DMD: variants seen among roughly 807,000 people sequenced by gnomAD.
DMD encodes mutant dystrophin.
A neutral mutation model predicts 330.1 loss-of-function variants in DMD; 63 were observed. The ratio of observed to expected loss-of-function variants is 0.19; its 90% CI spans 0.16 to 0.24. DMD has a LOEUF of 0.24. DMD is among the 10% of genes least tolerant of loss of function. DMD has a pLI of 1.00. For synonymous variants in DMD, 1,223 were observed against 959.8 expected (o/e 1.27, Z -5.07); for missense variants, 3,344 against 2,684.1 (o/e 1.25, Z -5.43).
At chrX:31,446,620 A>G (rs916427492) in intron 59 of DMD, among the ~76,000 whole-genome samples, 7 of 112,132 alleles carry the variant, frequency 6.2e-5, no homozygotes, top group African/African-American at 2.3e-4. Context: ...TACATGGATT[A>G]AAAGTATCAG....
chrX:32,045,082 GT>G (rs200618969), intron 44 of DMD, among the ~76,000 whole-genome samples: 2,551 of 109,366 alleles, frequency 0.023, 79 homozygotes, highest in African/African-American at 0.08. Flanking sequence ...ATGAGATCTG[GT>G]TTTTTTTTAA....
intron 1 of DMD, among the ~76,000 whole-genome samples, chrX:33,246,859 T>A (rs2052671685): frequency 9.1e-6 from 1 of 109,893 alleles, no homozygotes; most frequent in Non-Finnish European, 1.9e-5. Flanking sequence ...CTAATTTTTG[T>A]AGTTTTAGTA....
Position 32,250,820 on chromosome X carries a change from G to T in DMD, c.6291-33757C>A, listed in dbSNP as rs115116409. Among the ~76,000 whole-genome samples the T allele has an allele frequency of 6.2e-3, 689 of 111,744 alleles. 6 individuals carry two copies. Among genetic ancestry groups the T allele is most frequent in the African/African-American group, 0.021 (645 of 30,778 alleles). ...GATGGTTTTTGTGCTCCTTTTCAGG[G>T]TTATTCCTTACCCAGTCACTAAATG... is the stretch of plus-strand genomic sequence containing the variant. On this transcript the variant is annotated intron_variant, in intron 43 of 78. Transcript: ENST00000357033.
intron 55 of DMD, among the ~76,000 whole-genome samples, chrX:31,535,510 C>T (rs1044387188): frequency 1.1e-5 from 1 of 89,876 alleles, no homozygotes; most frequent in South Asian, 6.2e-4. Flanking sequence ...AAGATTTAAA[C>T]GTTAGACCTA....
At chrX:31,319,120 G>A (rs1233514023) in intron 62 of DMD, among the ~76,000 whole-genome samples, 1 of 111,975 alleles carries the variant, frequency 8.9e-6, no homozygotes, top group Non-Finnish European at 1.9e-5. Flanking sequence ...GTGGAAACTA[G>A]AGACAATGCT....
intron 1 of DMD, among the ~76,000 whole-genome samples, chrX:33,066,826 T>TC (rs905823329): frequency 8.0e-5 from 9 of 112,151 alleles, no homozygotes; most frequent in African/African-American, 2.9e-4. Flanking sequence ...CTTTGTTTTT[T>TC]CTCAATGGGA....
At chrX:33,234,959 G>A (rs2052450486) in intron 1 of DMD, among the ~76,000 whole-genome samples, 1 of 111,779 alleles carries the variant, frequency 8.9e-6, no homozygotes, top group Non-Finnish European at 1.9e-5. Flanking sequence ...GTGTGCTGCT[G>A]CCCCTCAGCA....
At chrX:31,127,871 CCTT>C (rs747516582) in intron 77 of DMD, among the ~76,000 whole-genome samples, 14 of 111,911 alleles carry the variant, frequency 1.3e-4, no homozygotes, top group African/African-American at 4.5e-4. Context: ...CTCCCTTTCT[CCTT>C]CTCTCCCTTC....
At chrX:32,898,410 T>G (rs1471205954) in intron 2 of DMD, among the ~76,000 whole-genome samples, 1 of 112,195 alleles carries the variant, frequency 8.9e-6, no homozygotes, top group Non-Finnish European at 1.9e-5. Flanking sequence ...TGGCTTTGCC[T>G]AGGAAAGAAT....
At chrX:32,907,828 TAATTTG>T (rs2086853108) in intron 2 of DMD, among the ~76,000 whole-genome samples, 1 of 112,339 alleles carries the variant, frequency 8.9e-6, no homozygotes, top group African/African-American at 3.2e-5. Flanking sequence ...CTATATAGCT[TAATTTG>T]AATTTGAATT....
At chrX:31,990,211 AT>A (rs2095540846) in intron 44 of DMD, among the ~76,000 whole-genome samples, 1 of 112,177 alleles carries the variant, frequency 8.9e-6, no homozygotes, top group Non-Finnish European at 1.9e-5. Context: ...AGTCTTCGAC[AT>A]TTTTACTTTT....
At chrX:31,285,061 C>T (rs2053094550) in intron 62 of DMD, among the ~76,000 whole-genome samples, 1 of 111,151 alleles carries the variant, frequency 9.0e-6, no homozygotes, top group Admixed American at 9.6e-5. Context: ...AAATGCTATT[C>T]TGAAACATTT....
At chrX:31,433,838 C>T (rs959227633) in intron 60 of DMD, among the ~76,000 whole-genome samples, 1 of 104,706 alleles carries the variant, frequency 9.6e-6, no homozygotes, top group Non-Finnish European at 1.9e-5. Flanking sequence ...GTAAGTACTA[C>T]GTCTTCAGAA....
intron 55 of DMD, among the ~76,000 whole-genome samples, chrX:31,587,572 G>C (rs749269398): frequency 8.9e-6 from 1 of 112,232 alleles, no homozygotes; most frequent in Non-Finnish European, 1.9e-5. Flanking sequence ...TGCTGGCAAA[G>C]CCAGTCAAGC....
chrX:33,123,294 T>C (rs2095436355), intron 1 of DMD, among the ~76,000 whole-genome samples: 1 of 112,336 alleles, frequency 8.9e-6, no homozygotes, highest in South Asian at 3.6e-4. Flanking sequence ...CATAACTGTA[T>C]ATATCCTGTG....
intron 7 of DMD, among the ~76,000 whole-genome samples, chrX:32,775,830 G>A (rs1311269217): frequency 1.8e-5 from 2 of 112,893 alleles, no homozygotes; most frequent in Non-Finnish European, 3.7e-5. Flanking sequence ...TTCTGCAGCA[G>A]GCTTGACTTA....
In DMD at chrX:31,815,708, G is replaced by A. The variant is rs1013977517; in HGVS notation, c.7309+4267C>T. On this transcript the variant is annotated intron_variant, in intron 50 of 78. Transcript: ENST00000357033. ...CAATATGCATACCCCTTTGATATGC[G>A]ATGTGGCATCTCCTCCTTTCACGAG... 3.6e-5 allele frequency among the ~76,000 whole-genome samples: 4 copies of A among 111,405 alleles called. No individual in the cohort carries two copies. The East Asian group carries it at 8.4e-4, about 23-fold the overall frequency.
chrX:32,627,153 C>G (rs1264642310), intron 11 of DMD, among the ~76,000 whole-genome samples: 42 of 62,029 alleles, frequency 6.8e-4, no homozygotes, highest in South Asian at 1.4e-3. Context: ...TCCCCGCCCC[C>G]CCCCCCGCCC....
At chrX:31,217,519 A>G (rs906213574) in intron 64 of DMD, among the ~76,000 whole-genome samples, 1 of 112,263 alleles carries the variant, frequency 8.9e-6, no homozygotes, top group African/African-American at 3.2e-5. Context: ...GGCACCAGGA[A>G]ATCACTGAGA....
Sources: gnomAD v4.1 joint callset for allele counts (sites outside exome capture counted in the v4.1 genomes callset) on GRCh38, gnomAD v4.1.1 for gene constraint, MANE v1.5 for transcripts, NCBI Gene and HGNC (gene_info 2026-07-23, HGNC 2026-07-21) for gene names.